Variants in SHISAL1 observed in about 807,000 individuals in gnomAD.
SHISAL1 encodes the protein shisa like 1.
In SHISAL1, 9 loss-of-function variants were observed where a neutral mutation model predicts 22.6. The ratio of observed to expected loss-of-function variants is 0.40; its 90% CI spans 0.24 to 0.70. The LOEUF is 0.70. SHISAL1 is among the 30% of genes least tolerant of loss of function. The probability of loss-of-function intolerance (pLI) is 0.39; values close to 1 mark genes in which losing one functional copy is unlikely to be tolerated. For missense variants in SHISAL1, 246 were observed against 270.6 expected, an observed-to-expected ratio of 0.91 and a Z score of 0.64; for synonymous variants, 119 against 115.4, an observed-to-expected ratio of 1.03 and a Z score of -0.20.
chr22:44,301,386 C>G (rs2055428181), intron 1 of SHISAL1, among the ~76,000 whole-genome samples: 1 of 152,132 alleles, frequency 6.6e-6, no homozygotes, highest in South Asian at 2.1e-4. Context: ...ATGGTGACTT[C>G]CATGAACCCC....
chr22:44,302,351 A>G (rs1157526820), intron 1 of SHISAL1, among the ~76,000 whole-genome samples: 2 of 152,130 alleles, frequency 1.3e-5, no homozygotes, highest in Non-Finnish European at 2.9e-5. Context: ...AAAAAAAAAA[A>G]AAAAAAAAGG....
intron 4 of SHISAL1, among the ~76,000 whole-genome samples, chr22:44,262,746 C>T (rs377389568): frequency 2.6e-5 from 4 of 152,322 alleles, no homozygotes; most frequent in Non-Finnish European, 4.4e-5. Context: ...GAGAGAGGAG[C>T]TGAGCCTGGA....
the SHISAL1 span, among the ~76,000 whole-genome samples, chr22:44,321,669 C>T: frequency 2.0e-5 from 3 of 152,204 alleles, no homozygotes; most frequent in Non-Finnish European, 4.4e-5. Context: ...AAGTGGCCGG[C>T]CCATGCCTGC....
intron 3 of SHISAL1, among the ~76,000 whole-genome samples, chr22:44,296,279 C>A (rs1400474427): frequency 6.6e-6 from 1 of 152,168 alleles, no homozygotes; most frequent in East Asian, 1.9e-4. Flanking sequence ...CCTGCCTCAG[C>A]CTCCTGAGTA....
chr22:44,272,845 C>T (rs529895069), intron 4 of SHISAL1, among the ~76,000 whole-genome samples: 1 of 152,268 alleles, frequency 6.6e-6, no homozygotes, highest in South Asian at 2.1e-4. Context: ...GCTGTAATCC[C>T]AGAACTTTGG....
At chr22:44,318,813 C>T in the SHISAL1 span, among the ~76,000 whole-genome samples, 165 of 152,338 alleles carry the variant, frequency 1.1e-3, 1 homozygote, top group East Asian at 0.023. Flanking sequence ...CTGTTCATGA[C>T]CCTCGGGTGA....
intron 3 of SHISAL1, among the ~76,000 whole-genome samples, chr22:44,290,143 G>T (rs932828926): frequency 2.0e-5 from 3 of 152,242 alleles, no homozygotes; most frequent in African/African-American, 7.2e-5. Flanking sequence ...TGAGGGTGGA[G>T]GAGGAGAGTT....
chr22:44,261,233 A>G (rs1352897343), intron 4 of SHISAL1, among the ~76,000 whole-genome samples: 1 of 151,456 alleles, frequency 6.6e-6, no homozygotes, highest in African/African-American at 2.4e-5. Context: ...TCTTAACAAC[A>G]GAACTGTTAC....
chr22:44,305,919 C>G (rs138954700), intron 1 of SHISAL1, among the ~76,000 whole-genome samples: 1 of 152,210 alleles, frequency 6.6e-6, no homozygotes, highest in Admixed American at 6.5e-5. Flanking sequence ...TTACTCCCCA[C>G]GCCCCCAAGG....
chr22:44,299,499 G>A (rs984790363), intron 2 of SHISAL1, among the ~76,000 whole-genome samples: 1 of 152,218 alleles, frequency 6.6e-6, no homozygotes, highest in African/African-American at 2.4e-5. Flanking sequence ...AGCATCTGGG[G>A]TGGGGAGAGC....
chr22:44,249,752 C>T, intron 4 of SHISAL1, 67 bp from the exon 5 acceptor site: 1 of 775,134 alleles, frequency 1.3e-6, no homozygotes, highest in South Asian at 1.4e-5. Context: ...TCTCTCTGGC[C>T]TCAGTGCCGG....
intron 2 of SHISAL1, among the ~76,000 whole-genome samples, chr22:44,298,669 C>G (rs1444800689): frequency 1.3e-5 from 2 of 152,224 alleles, no homozygotes; most frequent in African/African-American, 4.8e-5. Context: ...TACCACAGGA[C>G]TCAGGGAGGG....
the SHISAL1 span, among the ~76,000 whole-genome samples, chr22:44,325,803 C>T: frequency 2.1e-4 from 32 of 152,080 alleles, 1 homozygote; most frequent in Admixed American, 2.0e-3. Context: ...CGAGAAGCCA[C>T]ATCCGTGTGA....
At chr22:44,273,312 C>T (rs1258133018) in intron 4 of SHISAL1, among the ~76,000 whole-genome samples, 1 of 152,144 alleles carries the variant, frequency 6.6e-6, no homozygotes, top group African/African-American at 2.4e-5. Flanking sequence ...CTGGTGCTGT[C>T]ACTGAATCAA....
chr22:44,323,476 T>C, the SHISAL1 span, among the ~76,000 whole-genome samples: 58 of 77,632 alleles, frequency 7.5e-4, 1 homozygote, highest in East Asian at 1.8e-3. Flanking sequence ...ATCCATCCAT[T>C]CATTCATCCA....
At chr22:44,272,057 C>T (rs1382208941) in intron 4 of SHISAL1, among the ~76,000 whole-genome samples, 1 of 152,150 alleles carries the variant, frequency 6.6e-6, no homozygotes, top group Non-Finnish European at 1.5e-5. Flanking sequence ...TGGGTCTCTC[C>T]CGGGGCAGGA....
intron 4 of SHISAL1, among the ~76,000 whole-genome samples, chr22:44,278,598 G>A (rs773742527): frequency 8.6e-5 from 13 of 151,566 alleles, no homozygotes; most frequent in South Asian, 2.1e-4. Context: ...TGCTGGCTCC[G>A]GGTGAACGGG....
rs751758410 is a variant in SHISAL1, at chr22:44,246,354, TTCTC to T, written c.*3327_*3330del. On this transcript the variant is annotated 3_prime_UTR_variant, in exon 5 of 5. Transcript: ENST00000381176. ...ATTCCTCTGTGGACATCTTGTCCTC[TTCTC>T]TCTCTCGTTTTTCTTTTTGTATTAT... The T allele has an allele frequency of 9.2e-5, 14 of 151,808 alleles. No individual in the cohort carries two copies. The highest frequency in any genetic ancestry group is 1.7e-4 in the African/African-American group (7 of 41,044). The allele number at this position is 151,808 out of a possible 1,614,324, so 9.4% of individuals were successfully genotyped here.
upstream of SHISAL1, among the ~76,000 whole-genome samples, chr22:44,317,211 G>T (rs1157176760): frequency 2.6e-5 from 4 of 152,198 alleles, no homozygotes; most frequent in African/African-American, 9.6e-5. Context: ...CTGCTGGGCG[G>T]GTGCGATTCA....
Sources: gnomAD v4.1 joint callset for allele counts (sites outside exome capture counted in the v4.1 genomes callset) on GRCh38, gnomAD v4.1.1 for gene constraint, MANE v1.5 for transcripts, NCBI Gene and HGNC (gene_info 2026-07-23, HGNC 2026-07-21) for gene names.